The following LSM14B variants were observed in gnomAD, a reference collection of about 807,000 sequenced individuals.
The protein encoded by LSM14B is LSM family member 14B.
A neutral mutation model predicts 42.1 loss-of-function variants in LSM14B; 8 were observed. The observed-to-expected ratio is 0.19, with a 90% confidence interval of 0.11 to 0.34. LSM14B has a LOEUF of 0.34. LSM14B is among the 10% of genes least tolerant of loss of function. The probability of loss-of-function intolerance (pLI) is 1.00; values close to 1 mark genes in which losing one functional copy is unlikely to be tolerated. For missense variants in LSM14B, 396 were observed against 513.1 expected (o/e 0.77, Z 2.21); for synonymous variants, 219 against 209.7 (o/e 1.04, Z -0.38).
intron 3 of LSM14B, among the ~76,000 whole-genome samples, chr20:62,128,503 C>T (rs1165987633): frequency 1.4e-4 from 22 of 151,802 alleles, no homozygotes; most frequent in Non-Finnish European, 2.5e-4. Flanking sequence ...TTTTTTTTCC[C>T]CCACTTAAAA....
intron 8 of LSM14B, 142 bp downstream of exon 8, chr20:62,133,617 G>A (rs368251239): frequency 2.0e-5 from 19 of 927,290 alleles, no homozygotes; most frequent in African/African-American, 8.6e-5. Flanking sequence ...CGAGGGCCTC[G>A]ACCCTATGAG....
Position 62,129,909 on chromosome 20 carries a change from G to T in LSM14B, c.552G>T (p.Gln184His). ...CTGGCAAGGGCACCACAGGGACGCAGCTCAACGGTCGTCAGGCCCAGCCGA... is the reference window on the plus strand; with the variant it reads ...CTGGCAAGGGCACCACAGGGACGCATCTCAACGGTCGTCAGGCCCAGCCGA... The part of the protein sequence containing the change: ...LLPGKGTTGT[Q>H]LNGRQAQPSS... The change falls in exon 4 of 9, where the codon CAG becomes CAT. Residue 184 changes from glutamine (Q) to histidine (H), a missense_variant. Gln to His is a conservative substitution (Grantham distance 24). This residue lies in a region of LSM14B where 274 missense variants were observed against 335.8 expected (regional missense o/e 0.82). Coordinates refer to ENST00000279068, the MANE Select transcript of LSM14B (RefSeq NM_144703.3). 2.5e-6 allele frequency: 4 copies of T among 1,613,508 alleles called. No homozygotes were observed. The highest frequency in any genetic ancestry group is 3.4e-6 in the Non-Finnish European group (4 of 1,179,816).
rs1307551258 is a variant in LSM14B at position 62,130,712 on chromosome 20, A to G, written c.835+21A>G. 4 of 1,610,438 alleles carry G rather than the reference A, an allele frequency of 2.5e-6. No homozygotes were observed. The highest frequency in any genetic ancestry group is 3.4e-6 in the Non-Finnish European group (4 of 1,179,162). On this transcript the variant is annotated intron_variant, in intron 6 of 8. Transcript: ENST00000279068. This position sits in a 1 kb window ranked among gnomAD's most constrained non-coding sequence, Gnocchi z 4.1. ...TAAAGGTTTGGCTCATTATATGAAA[A>G]TTATTCTCTGCACAGGAGTACCCCT...
At position 62,133,379 on chromosome 20, in the gene LSM14B, G is replaced by A. The variant is rs749480127; in HGVS notation, c.1076G>A (p.Arg359Gln). The change falls in exon 8 of 9, where the codon CGG becomes CAG. Residue 359 changes from arginine (R) to glutamine (Q), a missense_variant. Physicochemically the swap from Arg to Gln is conservative, Grantham distance 43. Coordinates refer to ENST00000279068, the MANE Select transcript of LSM14B (RefSeq NM_144703.3). ...AGGTTTCTTCGTGGCCGCAGTTCTCGGGGCGGATTCCGAGGAGGCAGGGGC... is the reference window on the plus strand; with the variant it reads ...AGGTTTCTTCGTGGCCGCAGTTCTCAGGGCGGATTCCGAGGAGGCAGGGGC... ...SGRFLRGRSS[R>Q]GGFRGGRGNG... The A allele has an allele frequency of 8.7e-6, 14 of 1,613,292 alleles. No homozygotes were observed. Among genetic ancestry groups the A allele is most frequent in the Admixed American group, 1.7e-5 (1 of 59,824 alleles).
rs2056433238 is a variant in LSM14B, at chr20:62,122,606, G to A, written c.-61G>A. The stretch of plus-strand genomic sequence containing the variant: ...GGCGGCCAGGCCACCGCGCGGCGGC[G>A]GAGCGGGCCGCGGCCCGGCGCTCCT... On this transcript the variant is annotated 5_prime_UTR_variant, in exon 1 of 9. Transcript: ENST00000279068. The surrounding 1 kb of genome is among the most constrained non-coding windows in gnomAD (Gnocchi z 4.6). The A allele has an allele frequency of 1.0e-5, 11 of 1,057,688 alleles. No individual in the cohort carries two copies. Among genetic ancestry groups the A allele is most frequent in the Non-Finnish European group, 1.3e-5 (11 of 871,098 alleles). The allele number at this position is 1,057,688 out of a possible 1,614,324, so 65.5% of individuals were successfully genotyped here. A position where few individuals can be genotyped will look rare whatever the true frequency, so the allele number is the denominator to read the frequency against.
In LSM14B at chr20:62,122,751, T is replaced by C; in HGVS notation, c.85T>C (p.Tyr29His). 6.6e-7 allele frequency: 1 copy of C among 1,520,400 alleles called. No homozygotes were observed. Among genetic ancestry groups the C allele is most frequent in the Non-Finnish European group, 8.9e-7 (1 of 1,129,804 alleles). The allele number at this position is 1,520,400 out of a possible 1,614,324, so 94.2% of individuals were successfully genotyped here. A position where few individuals can be genotyped will look rare whatever the true frequency, so the allele number is the denominator to read the frequency against. The change falls in exon 1 of 9, where the codon TAC becomes CAC. Residue 29 changes from tyrosine to histidine, a missense_variant. By Grantham distance (83) the Tyr-to-His change is moderately conservative. Around this residue, in one of 3 missense-constraint regions of LSM14B, gnomAD observed 274 missense variants for 335.8 expected, o/e 0.82. Transcript: ENST00000279068. This position sits in a 1 kb window ranked among gnomAD's most constrained non-coding sequence, Gnocchi z 4.6. ...GCAGATCCGCTACGAGGGCATTCTC[T>C]ACACCATCGACACCGACAACTCCAC... ...KAQIRYEGIL[Y>H]TIDTDNSTVA...
Position 62,126,359 on chromosome 20 carries a change from C to T in LSM14B, c.347C>T (p.Pro116Leu), listed in dbSNP as rs769411786. ...SPFQPHVPYS[P>L]FRGMAPYGPL... is the part of the protein sequence containing the mutation. ...TTCCAGCCGCACGTGCCTTACAGCCCTTTCCGAGGGATGGCGCCCTACGGC... is the reference window on the plus strand; with the variant it reads ...TTCCAGCCGCACGTGCCTTACAGCCTTTTCCGAGGGATGGCGCCCTACGGC... The change falls in exon 3 of 9, where the codon CCT (proline) becomes CTT (leucine). Residue 116 changes from proline (P) to leucine (L), a missense_variant. Physicochemically the swap from Pro to Leu is moderately conservative, Grantham distance 98 (BLOSUM62 -3). Transcript: ENST00000279068. The T allele has an allele frequency of 1.2e-6, 2 of 1,613,426 alleles. No individual in the cohort carries two copies. Among genetic ancestry groups the T allele is most frequent in the Non-Finnish European group, 1.7e-6 (2 of 1,179,914 alleles).
intron 1 of LSM14B, chr20:62,123,413 CG>C (rs2056474036): frequency 6.6e-6 from 1 of 152,428 alleles, no homozygotes; most frequent in Non-Finnish European, 1.5e-5. Flanking sequence ...CCGGTTTAAA[CG>C]GTTCTCCTGC....
In LSM14B at chr20:62,126,454, T is replaced by C. The variant is rs1325615021; in HGVS notation, c.427+15T>C. 6.2e-7 allele frequency: 1 copy of C among 1,604,144 alleles called. No individual in the cohort carries two copies. The highest frequency in any genetic ancestry group is 1.1e-5 in the South Asian group (1 of 90,904). On this transcript the variant is annotated intron_variant, in intron 3 of 8. Coordinates refer to ENST00000279068, the MANE Select transcript of LSM14B (RefSeq NM_144703.3). ...CCTGGGTCTAGGTGAGTGACCTGTT[T>C]CTGTCTGGTAAACTACCCTTGCGTG...
chr20:62,133,099 G>A (rs1480912935), intron 7 of LSM14B, among the ~76,000 whole-genome samples, 191 bp from the exon 8 acceptor site: 1 of 152,206 alleles, frequency 6.6e-6, no homozygotes, highest in Non-Finnish European at 1.5e-5. Flanking sequence ...TGTGGAGACA[G>A]TCCTGGTTGG....
intron 7 of LSM14B, among the ~76,000 whole-genome samples, 176 bp downstream of exon 7, chr20:62,131,682 C>G (rs959707661): frequency 4.6e-5 from 7 of 152,200 alleles, no homozygotes; most frequent in Non-Finnish European, 7.3e-5. Context: ...TGTGGGAAGC[C>G]TCTTGGGGAT....
At position 62,126,427 on chromosome 20, in the gene LSM14B, T is replaced by A. The variant is rs139340612; in HGVS notation, c.415T>A (p.Ser139Thr). The A allele has an allele frequency of 5.6e-6, 9 of 1,609,290 alleles. No individual in the cohort carries two copies. The Admixed American group carries it at 1.5e-4, about 27-fold the overall frequency. ...SSLLSQQYAA[S>T]LGLGAGFPSI... The stretch of plus-strand genomic sequence containing the variant: ...CCTGCTCAGCCAGCAGTATGCCGCC[T>A]CCCTGGGTCTAGGTGAGTGACCTGT... The change falls in exon 3 of 9, where the codon TCC becomes ACC. Residue 139 changes from serine to threonine, a missense_variant. Ser to Thr is a moderately conservative substitution (Grantham distance 58). Coordinates refer to ENST00000279068, the MANE Select transcript of LSM14B (RefSeq NM_144703.3).
chr20:62,126,738 C>T (rs920781632), intron 3 of LSM14B, among the ~76,000 whole-genome samples: 3 of 152,178 alleles, frequency 2.0e-5, no homozygotes, highest in Non-Finnish European at 4.4e-5. Context: ...GTGGCTCACT[C>T]CTGTAATCCC....
chr20:62,126,155 G>T (rs2056593831), intron 2 of LSM14B, 149 bp from the exon 3 acceptor site: 1 of 1,111,458 alleles, frequency 9.0e-7, no homozygotes, highest in Non-Finnish European at 1.3e-6. Flanking sequence ...CACCATACTG[G>T]AAACTTGCAC....
In LSM14B at chr20:62,122,806, G is replaced by T. The variant is rs1347039775; in HGVS notation, c.127+13G>T. The T allele has an allele frequency of 2.7e-6, 4 of 1,478,656 alleles. No homozygotes were observed. Among genetic ancestry groups the T allele is most frequent in the East Asian group, 3.0e-5 (1 of 33,004 alleles). The allele number at this position is 1,478,656 out of a possible 1,614,324, so 91.6% of individuals were successfully genotyped here. ...GCGCTCGCCAAAGGTAGCGGCCGCCGCCCGCCCGAGCCCGCTGACCCCCGT... is the reference window on the plus strand; with the variant it reads ...GCGCTCGCCAAAGGTAGCGGCCGCCTCCCGCCCGAGCCCGCTGACCCCCGT... On this transcript the variant is annotated intron_variant, in intron 1 of 8. Coordinates refer to ENST00000279068, the MANE Select transcript of LSM14B (RefSeq NM_144703.3). The surrounding 1 kb of genome is among the most constrained non-coding windows in gnomAD (Gnocchi z 4.6).
Position 62,134,355 on chromosome 20 carries a change from G to A in LSM14B, c.*207G>A, listed in dbSNP as rs1236023557. On this transcript the variant is annotated 3_prime_UTR_variant, in exon 9 of 9. Transcript: ENST00000279068. Reference sequence around the variant, plus strand: ...ACTTGTTTTGGGGAAGTATTCATGGGTAACCTCTTTGAGGTCTCTTTATCT... The same window carrying A: ...ACTTGTTTTGGGGAAGTATTCATGGATAACCTCTTTGAGGTCTCTTTATCT... The A allele has an allele frequency of 4.2e-6, 2 of 471,142 alleles. No individual in the cohort carries two copies. Among genetic ancestry groups the A allele is most frequent in the East Asian group, 6.9e-5 (1 of 14,400 alleles). 29.2% of individuals were successfully genotyped at this position (471,142 alleles called of 1,614,324 possible).
chr20:62,128,911 T>C (rs1425448521), intron 3 of LSM14B: 8 of 1,274,462 alleles, frequency 6.3e-6, no homozygotes, highest in African/African-American at 4.6e-5. Flanking sequence ...TAATAATAAT[T>C]ACCCTGTGGT....
chr20:62,127,537 CTTATT>C lies in LSM14B; in HGVS notation c.427+1100_427+1104del, dbSNP rs1248644968. 1.1e-5 allele frequency: 14 copies of C among 1,323,418 alleles called. No homozygotes were observed. In the South Asian group the frequency reaches 1.6e-4, roughly 16 times the overall value. 82.0% of individuals were successfully genotyped at this position (1,323,418 alleles called of 1,614,324 possible). ...TAGACACAAGACAAGTGTATCCTGA[CTTATT>C]TGTGTGCTTTCTTTTTGCTCTTTCT... On this transcript the variant is annotated intron_variant, in intron 3 of 8. Transcript: ENST00000279068.
At position 62,130,567 on chromosome 20, in the gene LSM14B, C is replaced by T. The variant is rs2056738084; in HGVS notation, c.711C>T (p.Asn237=). 3.1e-6 allele frequency: 5 copies of T among 1,613,900 alleles called. No homozygotes were observed. The highest frequency in any genetic ancestry group is 4.2e-6 in the Non-Finnish European group (5 of 1,179,864). Residue 237 remains asparagine, a synonymous_variant, in exon 6 of 9, where the codon AAC becomes AAT. Transcript: ENST00000279068. The surrounding 1 kb of genome is among the most constrained non-coding windows in gnomAD (Gnocchi z 4.1). The stretch of plus-strand genomic sequence containing the variant: ...CAAGGAATCGCTCCAGAGGGCAAAA[C>T]CGTCCAACTAACGTTAAGGAAAACA... ...RRTRNRSRGQ[N]RPTNVKENTI...
Sources: gnomAD v4.1 joint callset for allele counts (sites outside exome capture counted in the v4.1 genomes callset) on GRCh38, gnomAD v4.1.1 for gene constraint, gnomAD v4.1.1 regional missense constraint, Gnocchi (gnomAD v3.1) non-coding constraint, MANE v1.5 for transcripts, NCBI Gene and HGNC (gene_info 2026-07-23, HGNC 2026-07-21) for gene names.